Variants in TP53INP1 observed in about 807,000 individuals in gnomAD.
TP53INP1 encodes the protein tumor protein p53-inducible nuclear protein 1.
A neutral mutation model predicts 21.0 loss-of-function variants in TP53INP1; 12 were observed. The ratio of observed to expected loss-of-function variants is 0.57; its 90% CI spans 0.37 to 0.93. TP53INP1 has a LOEUF of 0.93. Among genes scored for constraint, TP53INP1 ranks in the 40% least tolerant of loss-of-function variants. TP53INP1 has a pLI of 0.01. For synonymous variants in TP53INP1, 91 were observed against 94.8 expected (o/e 0.96, Z 0.23); for missense variants, 274 against 294.7 (o/e 0.93, Z 0.51).
intron 3 of TP53INP1, among the ~76,000 whole-genome samples, chr8:94,933,156 C>T (rs1820592574): frequency 6.6e-6 from 1 of 152,154 alleles, no homozygotes; most frequent in East Asian, 1.9e-4. Context: ...GCGGAGGTTG[C>T]AGTGAGCCGA....
Position 94,941,138 on chromosome 8 carries a change from T to C in TP53INP1, c.-150-47A>G, listed in dbSNP as rs1586738526. ...AAGTTATTTCAAATCAGCATGCACA[T>C]ATATACATAAGTACATACACATACA... On this transcript the variant is annotated intron_variant, in intron 1 of 3. Transcript: ENST00000342697. 2.3e-5 allele frequency: 13 copies of C among 570,590 alleles called. No homozygotes were observed. The East Asian group carries it at 3.5e-4, about 15-fold the overall frequency. The allele number at this position is 570,590 out of a possible 1,614,324, so 35.3% of individuals were successfully genotyped here.
Position 94,940,953 on chromosome 8 carries a change from G to C in TP53INP1, c.-12C>G. ...AGCCTCTGGAACATTGTTAAGGCAA[G>C]ACTGAGAGTTTGGCTGGATGTCTTT... is the stretch of plus-strand genomic sequence containing the variant. On this transcript the variant is annotated 5_prime_UTR_variant, in exon 2 of 4. Transcript: ENST00000342697. 1 of 1,602,014 alleles carries C rather than the reference G, an allele frequency of 6.2e-7. No individual in the cohort carries two copies. The highest frequency in any genetic ancestry group is 8.5e-7 in the Non-Finnish European group (1 of 1,171,520).
Position 94,936,568 on chromosome 8 carries a change from A to G in TP53INP1, c.473+3292T>C, listed in dbSNP as rs562832641. ...ACGCTGTTTTCCTAGCGATGATGGA[A>G]GCCCCTAGGTTTGGGTTTTTACTGA... On this transcript the variant is annotated intron_variant, in intron 3 of 3. Transcript: ENST00000342697. Among the ~76,000 whole-genome samples the G allele has an allele frequency of 6.6e-5, 10 of 152,262 alleles. No homozygotes were observed. The South Asian group carries it at 2.1e-3, about 32-fold the overall frequency.
rs1204318426 is a variant in TP53INP1, at chr8:94,928,305, GA to G, written c.*2173del. 2.6e-5 allele frequency: 4 copies of G among 152,232 alleles called. No individual in the cohort carries two copies. The highest frequency in any genetic ancestry group is 9.6e-5 in the African/African-American group (4 of 41,466). The allele number at this position is 152,232 out of a possible 1,614,324, so 9.4% of individuals were successfully genotyped here. A position where few individuals can be genotyped will look rare whatever the true frequency, so the allele number is the denominator to read the frequency against. ...TGTTGCCAAACAAAATCTCATGGCT[GA>G]ACTTCTGTAGCTTGTGAGGTACTAA... On this transcript the variant is annotated 3_prime_UTR_variant, in exon 4 of 4. Coordinates refer to ENST00000342697, the MANE Select transcript of TP53INP1 (RefSeq NM_033285.4).
chr8:94,945,395 C>T (rs1474074990), intron 1 of TP53INP1: 1 of 152,110 alleles, frequency 6.6e-6, no homozygotes, highest in Non-Finnish European at 1.5e-5. Context: ...ATAAAATTAA[C>T]TTCACCAGTT....
rs1373650599 is a variant in TP53INP1, at chr8:94,949,162, G to A, written c.-159C>T. ...CCCCCCCCGGCACTTACGTGGGCCCGGGCCGTGCGGGGCTGCGCGGGGAAG... is the reference window on the plus strand; with the variant it reads ...CCCCCCCCGGCACTTACGTGGGCCCAGGCCGTGCGGGGCTGCGCGGGGAAG... On this transcript the variant is annotated 5_prime_UTR_variant, in exon 1 of 4. Transcript: ENST00000342697. 2.0e-5 allele frequency: 3 copies of A among 148,614 alleles called. No homozygotes were observed. The highest frequency in any genetic ancestry group is 6.7e-5 in the Admixed American group (1 of 14,946). The allele number at this position is 148,614 out of a possible 1,614,324, so 9.2% of individuals were successfully genotyped here.
intron 1 of TP53INP1, among the ~76,000 whole-genome samples, chr8:94,944,621 G>A (rs1821832555): frequency 6.6e-6 from 1 of 152,178 alleles, no homozygotes; most frequent in Admixed American, 6.5e-5. Context: ...AGTGAGGGAG[G>A]AGCTCATCCT....
chr8:94,935,841 G>A (rs1820926616), intron 3 of TP53INP1, among the ~76,000 whole-genome samples: 1 of 152,208 alleles, frequency 6.6e-6, no homozygotes, highest in African/African-American at 2.4e-5. Context: ...AATGTTTTAT[G>A]AGAATGGATA....
intron 3 of TP53INP1, 148 bp downstream of exon 3, chr8:94,939,712 C>A: frequency 8.7e-7 from 1 of 1,153,388 alleles, no homozygotes; most frequent in Non-Finnish European, 1.2e-6. Context: ...AGTTATCTTA[C>A]GGACCATCTT....
chr8:94,948,894 T>C (rs1344385455), intron 1 of TP53INP1, among the ~76,000 whole-genome samples: 3 of 150,766 alleles, frequency 2.0e-5, no homozygotes, highest in Non-Finnish European at 4.4e-5. Context: ...CGGGCCCTTG[T>C]CCGCGCCGCC....
intron 1 of TP53INP1, among the ~76,000 whole-genome samples, chr8:94,948,781 G>C (rs563104575): frequency 6.6e-6 from 1 of 152,134 alleles, no homozygotes; most frequent in Non-Finnish European, 1.5e-5. Flanking sequence ...GGAGTGAGGA[G>C]GGGTGAGAGG....
Position 94,930,581 on chromosome 8 carries a change from A to G in TP53INP1, c.621T>C (p.Asn207=). The change falls in exon 4 of 4, where the codon AAT becomes AAC. Residue 207 remains asparagine (N), a synonymous_variant. Transcript: ENST00000342697. ...TGGTAAGATTTTGGCGACGAAGGCT[A>G]TTTCTGTTAAGAGGCTGTCTTTCAC... is the stretch of plus-strand genomic sequence containing the variant. The part of the protein sequence containing the change: ...EHSERQPLNR[N]SLRRQNLTRD... The G allele has an allele frequency of 6.2e-7, 1 of 1,614,212 alleles. No individual in the cohort carries two copies. Among genetic ancestry groups the G allele is most frequent in the South Asian group, 1.1e-5 (1 of 91,092 alleles).
chr8:94,928,930 T>C lies in TP53INP1; in HGVS notation c.*1549A>G, dbSNP rs1042158739. 3.9e-5 allele frequency: 6 copies of C among 152,768 alleles called. 1 individual carries two copies. The highest frequency in any genetic ancestry group is 3.3e-4 in the Admixed American group (5 of 15,294). 9.5% of individuals were successfully genotyped at this position (152,768 alleles called of 1,614,324 possible). ...GATGGAAAAACAAGCTGTTTGATTATGAAGGCAACACTTCTGTCAGTAGAA... is the reference window on the plus strand; with the variant it reads ...GATGGAAAAACAAGCTGTTTGATTACGAAGGCAACACTTCTGTCAGTAGAA... On this transcript the variant is annotated 3_prime_UTR_variant, in exon 4 of 4. Transcript: ENST00000342697.
In TP53INP1 at chr8:94,935,804, G is replaced by A. The variant is rs145350183; in HGVS notation, c.473+4056C>T. Among the ~76,000 whole-genome samples the A allele has an allele frequency of 2.8e-3, 432 of 152,296 alleles. 3 individuals carry two copies. The highest frequency in any genetic ancestry group is 9.8e-3 in the African/African-American group (406 of 41,564). ...GTTAGGATGTTTAAGTGAGCTTTAC[G>A]TAAAGAAGTTATATCCCCTTTACCT... On this transcript the variant is annotated intron_variant, in intron 3 of 3. Transcript: ENST00000342697.
At chr8:94,933,392 GGAA>G (rs1383384780) in intron 3 of TP53INP1, among the ~76,000 whole-genome samples, 14 of 150,060 alleles carry the variant, frequency 9.3e-5, no homozygotes, top group Middle Eastern at 3.4e-3. Flanking sequence ...AAAGAAGGAA[GGAA>G]GAAGAAGGAA....
At chr8:94,943,126 C>T (rs1019904591) in intron 1 of TP53INP1, among the ~76,000 whole-genome samples, 2 of 152,078 alleles carry the variant, frequency 1.3e-5, no homozygotes, top group African/African-American at 4.8e-5. Flanking sequence ...CTTTGGAGCT[C>T]AGGAGTGTGG....
chr8:94,931,119 T>G (rs949680340), intron 3 of TP53INP1, among the ~76,000 whole-genome samples: 2 of 152,224 alleles, frequency 1.3e-5, no homozygotes, highest in African/African-American at 2.4e-5. Flanking sequence ...CACCATAATC[T>G]TAAAAGGAAA....
At chr8:94,946,421 C>T (rs1281328471) in intron 1 of TP53INP1, among the ~76,000 whole-genome samples, 1 of 151,862 alleles carries the variant, frequency 6.6e-6, no homozygotes, top group Non-Finnish European at 1.5e-5. Context: ...GGCTCTGAGG[C>T]TGGGCGCAGT....
At chr8:94,936,804 C>T (rs894161466) in intron 3 of TP53INP1, among the ~76,000 whole-genome samples, 2 of 152,134 alleles carry the variant, frequency 1.3e-5, no homozygotes, top group African/African-American at 4.8e-5. Flanking sequence ...CTGGAGGTGC[C>T]ATCCTGGGTT....
Sources: allele counts gnomAD v4.1 joint callset (sites outside exome capture counted in the v4.1 genomes callset), GRCh38; gene constraint gnomAD v4.1.1; transcripts MANE v1.5; gene names NCBI Gene and HGNC (gene_info 2026-07-23, HGNC 2026-07-21).